PHF21B: variants seen among roughly 807,000 people sequenced by gnomAD.
PHF21B encodes PHD finger protein 4.
Under a neutral mutation model 62.2 loss-of-function variants are expected in PHF21B, and 22 were observed. The ratio of observed to expected loss-of-function variants is 0.35; its 90% CI spans 0.25 to 0.51. The LOEUF (loss-of-function observed/expected upper bound fraction) is 0.51. PHF21B is among the 20% of genes least tolerant of loss of function. The pLI is 0.97. For missense variants in PHF21B, 701 were observed against 707.9 expected (o/e 0.99, Z 0.11); for synonymous variants, 341 against 314.7 (o/e 1.08, Z -0.88).
intron 2 of PHF21B, among the ~76,000 whole-genome samples, chr22:44,986,730 C>T (rs4823429): frequency 0.79 from 120,501 of 152,026 alleles, 48,004 homozygotes; most frequent in East Asian, 0.9. Flanking sequence ...GGCTTCTACA[C>T]TGTGCTCGCT....
intron 2 of PHF21B, among the ~76,000 whole-genome samples, chr22:44,984,200 C>CCGCCATCAT (rs2072903009): frequency 7.9e-6 from 1 of 125,814 alleles, no homozygotes; most frequent in Non-Finnish European, 1.7e-5. Context: ...ATCACCACCA[C>CCGCCATCAT]TACCACCATC....
At chr22:44,995,595 C>T (rs1473367316) in intron 2 of PHF21B, among the ~76,000 whole-genome samples, 4 of 152,164 alleles carry the variant, frequency 2.6e-5, no homozygotes, top group Non-Finnish European at 5.9e-5. Context: ...GCTTGGACCA[C>T]TGTAGAACCA....
chr22:44,907,448 A>C (rs9614587), intron 5 of PHF21B, among the ~76,000 whole-genome samples: 2 of 152,154 alleles, frequency 1.3e-5, no homozygotes, highest in Non-Finnish European at 2.9e-5. Flanking sequence ...AGCCGTGTTC[A>C]GCGTCCCGCA....
chr22:44,910,637 C>T (rs1006589149), intron 5 of PHF21B, among the ~76,000 whole-genome samples: 2 of 152,174 alleles, frequency 1.3e-5, no homozygotes, highest in South Asian at 4.1e-4. Context: ...TAACTTGCTC[C>T]TTCTTTCCTT....
intron 3 of PHF21B, among the ~76,000 whole-genome samples, chr22:44,919,889 G>C (rs1033307068): frequency 6.6e-6 from 1 of 152,230 alleles, no homozygotes; most frequent in Non-Finnish European, 1.5e-5. Flanking sequence ...GGAAGGCTGA[G>C]AGGTCAGGTG....
intron 2 of PHF21B, among the ~76,000 whole-genome samples, chr22:44,996,913 TACACACATGCAC>T (rs1278412024): frequency 5.3e-5 from 8 of 151,808 alleles, no homozygotes; most frequent in Non-Finnish European, 1.2e-4. Flanking sequence ...CACACATGCA[TACACACATGCAC>T]ACACACGCGC....
chr22:44,946,974 G>A (rs1296453589), intron 2 of PHF21B, among the ~76,000 whole-genome samples: 2 of 152,230 alleles, frequency 1.3e-5, no homozygotes, highest in Non-Finnish European at 2.9e-5. Flanking sequence ...CAGATGCTCC[G>A]TTTAAGGGGG....
chr22:45,002,186 T>A (rs1223551928), intron 2 of PHF21B, among the ~76,000 whole-genome samples: 3 of 152,252 alleles, frequency 2.0e-5, no homozygotes, highest in Non-Finnish European at 2.9e-5. Flanking sequence ...AGGCTTTACA[T>A]GTCTACTGTT....
chr22:45,000,178 C>T (rs955716149), intron 2 of PHF21B, among the ~76,000 whole-genome samples: 10 of 152,118 alleles, frequency 6.6e-5, no homozygotes, highest in South Asian at 2.1e-4. Context: ...CTTTGTCACA[C>T]GCCTCTCGGA....
intron 2 of PHF21B, among the ~76,000 whole-genome samples, chr22:44,988,906 T>C (rs1481279715): frequency 6.6e-6 from 1 of 152,230 alleles, no homozygotes; most frequent in African/African-American, 2.4e-5. Flanking sequence ...AGGGCTGCTC[T>C]CTGCTTCAAA....
intron 2 of PHF21B, among the ~76,000 whole-genome samples, chr22:44,930,754 C>G (rs898859098): frequency 4.0e-4 from 60 of 151,460 alleles, no homozygotes; most frequent in African/African-American, 1.4e-3. Flanking sequence ...GAAGGGCTCT[C>G]ACCTCTTCTG....
chr22:44,968,664 AT>A lies in PHF21B; in HGVS notation c.120+39880del, dbSNP rs1375259188. ...ATCTCAAAAAAAAAAAAAAAAAAAAATACCTGGGACCATACATGTTTTGGAA... is the reference window on the plus strand; with the variant it reads ...ATCTCAAAAAAAAAAAAAAAAAAAAAACCTGGGACCATACATGTTTTGGAA... On this transcript the variant is annotated intron_variant, in intron 2 of 12. Transcript: ENST00000313237. 1.6e-3 allele frequency among the ~76,000 whole-genome samples: 218 copies of A among 133,838 alleles called. 1 individual carries two copies. Among genetic ancestry groups the A allele is most frequent in the Non-Finnish European group, 2.7e-3 (162 of 60,956 alleles). 87.8% of individuals were successfully genotyped at this position (133,838 alleles called of 152,430 possible). A position where few individuals can be genotyped will look rare whatever the true frequency, so the allele number is the denominator to read the frequency against.
chr22:44,989,738 C>T (rs1240525593), intron 2 of PHF21B, among the ~76,000 whole-genome samples: 1 of 151,136 alleles, frequency 6.6e-6, no homozygotes, highest in Non-Finnish European at 1.5e-5. Context: ...GCCTCCTTAG[C>T]AGCTGGGATT....
intron 7 of PHF21B, among the ~76,000 whole-genome samples, chr22:44,891,678 G>T (rs1246373310): frequency 6.6e-6 from 1 of 152,236 alleles, no homozygotes; most frequent in Non-Finnish European, 1.5e-5. Flanking sequence ...GTCACATGGT[G>T]CATGTTACAT....
rs374999054 is a variant in PHF21B, at chr22:44,986,787, G to C, written c.120+21758C>G. On this transcript the variant is annotated intron_variant, in intron 2 of 12. Coordinates refer to ENST00000313237, the MANE Select transcript of PHF21B (RefSeq NM_138415.5). Reference sequence around the variant, plus strand: ...ATGCCAGTGTTCCTGGAGCTGGGGAGAGGGCAGGTGAAGGTCCTGGAGTTG... The same window carrying C: ...ATGCCAGTGTTCCTGGAGCTGGGGACAGGGCAGGTGAAGGTCCTGGAGTTG... 3.9e-5 allele frequency among the ~76,000 whole-genome samples: 6 copies of C among 152,124 alleles called. No homozygotes were observed. The South Asian group carries it at 1.0e-3, about 26-fold the overall frequency.
chr22:44,932,712 G>A (rs2071765662), intron 2 of PHF21B, among the ~76,000 whole-genome samples: 1 of 152,252 alleles, frequency 6.6e-6, no homozygotes, highest in African/African-American at 2.4e-5. Context: ...CTGCACCACG[G>A]AATGCCGATG....
At chr22:44,956,832 C>A (rs1051309178) in intron 2 of PHF21B, among the ~76,000 whole-genome samples, 3 of 152,234 alleles carry the variant, frequency 2.0e-5, no homozygotes, top group Non-Finnish European at 4.4e-5. Context: ...TGGGCTCTCC[C>A]TCCTCCTCCG....
At chr22:44,921,085 C>T (rs2071526496) in intron 2 of PHF21B, among the ~76,000 whole-genome samples, 1 of 152,222 alleles carries the variant, frequency 6.6e-6, no homozygotes, top group Non-Finnish European at 1.5e-5. Flanking sequence ...TGCATATCTG[C>T]ACTGGGTCCC....
At chr22:44,994,187 T>C (rs1356021816) in intron 2 of PHF21B, among the ~76,000 whole-genome samples, 1 of 152,106 alleles carries the variant, frequency 6.6e-6, no homozygotes. Context: ...TTGAAGAGTG[T>C]CCCCCTAAAT....
Sources: gnomAD v4.1 joint callset for allele counts (sites outside exome capture counted in the v4.1 genomes callset) on GRCh38, gnomAD v4.1.1 for gene constraint, MANE v1.5 for transcripts, NCBI Gene and HGNC (gene_info 2026-07-23, HGNC 2026-07-21) for gene names.